DSCAM: variants seen among roughly 807,000 people sequenced by gnomAD.
DSCAM encodes DS cell adhesion molecule, also known as cell adhesion molecule DSCAM.
DSCAM carries 47 observed loss-of-function variants against 217.7 expected under a neutral mutation model. The observed-to-expected ratio is 0.22, with a 90% confidence interval of 0.17 to 0.28. DSCAM has a LOEUF of 0.28. Among genes scored for constraint, DSCAM ranks in the 10% least tolerant of loss-of-function variants. The pLI is 1.00. For missense variants in DSCAM, 2,080 were observed against 2,618.3 expected (o/e 0.79, Z 4.49); for synonymous variants, 1,056 against 1,015.3 (o/e 1.04, Z -0.76).
At chr21:40,420,986 C>A (rs937741693) in intron 3 of DSCAM, among the ~76,000 whole-genome samples, 9 of 152,142 alleles carry the variant, frequency 5.9e-5, no homozygotes, top group Admixed American at 5.2e-4. Context: ...GCAGACCCAG[C>A]ATACTAAACT....
intron 2 of DSCAM, among the ~76,000 whole-genome samples, chr21:40,700,731 CTTTCT>C (rs1300247098): frequency 6.9e-6 from 1 of 145,074 alleles, no homozygotes; most frequent in African/African-American, 2.6e-5. Flanking sequence ...TTCTTTCTTT[CTTTCT>C]TTTTTTTTTT....
At chr21:40,532,330 C>T (rs1260008780) in intron 3 of DSCAM, among the ~76,000 whole-genome samples, 1 of 152,088 alleles carries the variant, frequency 6.6e-6, no homozygotes, top group Non-Finnish European at 1.5e-5. Context: ...CCATCTTTTT[C>T]CTCCTTGCAG....
chr21:40,753,031 C>G (rs79929455), intron 1 of DSCAM, among the ~76,000 whole-genome samples: 13,357 of 152,268 alleles, frequency 0.088, 624 homozygotes, highest in Non-Finnish European at 0.093. Context: ...CCCTCAGCCT[C>G]CACCATGTAA....
chr21:40,014,249 A>G (rs2018945), intron 32 of DSCAM, among the ~76,000 whole-genome samples: 90,436 of 152,106 alleles, frequency 0.59, 27,412 homozygotes, highest in East Asian at 0.73. Flanking sequence ...AAACTAGCCA[A>G]GCATGATGGT....
At chr21:40,401,249 A>G (rs2075230586) in intron 3 of DSCAM, among the ~76,000 whole-genome samples, 1 of 152,200 alleles carries the variant, frequency 6.6e-6, no homozygotes, top group Non-Finnish European at 1.5e-5. Flanking sequence ...CAACCACTCA[A>G]ATGCTTTTCC....
chr21:40,153,307 A>C (rs2837462), intron 16 of DSCAM, among the ~76,000 whole-genome samples: 23,720 of 152,178 alleles, frequency 0.16, 4,228 homozygotes, highest in African/African-American at 0.44. Flanking sequence ...TGATACTTGC[A>C]GTGCTGAAGG....
chr21:40,055,627 C>A, intron 29 of DSCAM, 98 bp downstream of exon 29: 2 of 866,588 alleles, frequency 2.3e-6, no homozygotes, highest in East Asian at 2.5e-5. Context: ...GCCTTCAAGA[C>A]GCTCTCCTGT....
At chr21:40,149,261 A>G (rs978233584) in intron 16 of DSCAM, among the ~76,000 whole-genome samples, 7 of 150,326 alleles carry the variant, frequency 4.7e-5, no homozygotes, top group South Asian at 4.2e-4. Flanking sequence ...ACAACCATCC[A>G]TCACTCCATC....
intron 3 of DSCAM, among the ~76,000 whole-genome samples, chr21:40,503,788 T>C (rs1261220967): frequency 6.6e-6 from 1 of 152,210 alleles, no homozygotes; most frequent in African/African-American, 2.4e-5. Flanking sequence ...CATGTATTTG[T>C]TTGATTTGGT....
intron 3 of DSCAM, among the ~76,000 whole-genome samples, chr21:40,619,167 C>T (rs1434440442): frequency 6.6e-6 from 1 of 151,980 alleles, no homozygotes; most frequent in African/African-American, 2.4e-5. Context: ...GTTAATATAA[C>T]AAAAGGAAGT....
At chr21:40,031,715 A>G (rs1376166532) in intron 32 of DSCAM, among the ~76,000 whole-genome samples, 1 of 152,166 alleles carries the variant, frequency 6.6e-6, no homozygotes, top group African/African-American at 2.4e-5. Context: ...GAGCATACAG[A>G]AAGGTAAGAA....
intron 1 of DSCAM, among the ~76,000 whole-genome samples, chr21:40,722,501 C>T (rs2090912195): frequency 2.6e-5 from 4 of 151,980 alleles, no homozygotes; most frequent in Admixed American, 2.6e-4. Flanking sequence ...TAAAAGCAAC[C>T]ACTTACAAAG....
intron 11 of DSCAM, among the ~76,000 whole-genome samples, chr21:40,271,990 C>T (rs2073623716): frequency 6.6e-6 from 1 of 152,100 alleles, no homozygotes; most frequent in Non-Finnish European, 1.5e-5. Context: ...ATAGACCTGT[C>T]TCCTGGGAGC....
chr21:40,422,352 G>A (rs2075432540), intron 3 of DSCAM, among the ~76,000 whole-genome samples: 1 of 152,168 alleles, frequency 6.6e-6, no homozygotes. Flanking sequence ...GTTGGTGGCC[G>A]AGCACAGTGG....
intron 3 of DSCAM, among the ~76,000 whole-genome samples, chr21:40,421,169 C>A (rs1245199183): frequency 1.3e-5 from 2 of 152,136 alleles, no homozygotes; most frequent in Non-Finnish European, 2.9e-5. Flanking sequence ...GACTTGAGAG[C>A]CATGGAGAGG....
At chr21:40,063,514 G>T (rs1231848401) in intron 27 of DSCAM, among the ~76,000 whole-genome samples, 1 of 151,704 alleles carries the variant, frequency 6.6e-6, no homozygotes, top group Non-Finnish European at 1.5e-5. Flanking sequence ...TTTTGGTGGT[G>T]TTATTTTGAA....
intron 1 of DSCAM, among the ~76,000 whole-genome samples, chr21:40,808,496 C>T: frequency 7.4e-6 from 1 of 134,440 alleles, no homozygotes; most frequent in African/African-American, 2.8e-5. Flanking sequence ...TTTTTTGAGA[C>T]ATAGTCTCTC....
intron 3 of DSCAM, among the ~76,000 whole-genome samples, chr21:40,497,103 A>C (rs1601691301): frequency 6.6e-6 from 1 of 152,206 alleles, no homozygotes; most frequent in Admixed American, 6.5e-5. Context: ...AAAATCAAAA[A>C]TAGAACTACC....
intron 16 of DSCAM, among the ~76,000 whole-genome samples, chr21:40,157,321 C>T (rs2090488821): frequency 1.3e-5 from 2 of 152,118 alleles, no homozygotes; most frequent in Non-Finnish European, 2.9e-5. Flanking sequence ...AGTTTGCAGA[C>T]TCGTACAGGA....
Sources: gnomAD v4.1 joint callset for allele counts (sites outside exome capture counted in the v4.1 genomes callset) on GRCh38, gnomAD v4.1.1 for gene constraint, MANE v1.5 for transcripts, NCBI Gene and HGNC (gene_info 2026-07-23, HGNC 2026-07-21) for gene names.